OSBPL8: variants seen among roughly 807,000 people sequenced by gnomAD.
The protein encoded by OSBPL8 is oxysterol-binding protein-related protein 8.
Under a neutral mutation model 125.5 loss-of-function variants are expected in OSBPL8, and 59 were observed. The observed-to-expected ratio is 0.47, with a 90% CI of 0.38 to 0.58. The LOEUF (loss-of-function observed/expected upper bound fraction) is 0.58, where lower values mean the gene tolerates loss of function less well. OSBPL8 is among the 20% of genes least tolerant of loss of function. The probability of loss-of-function intolerance (pLI) is 0.00; values close to 1 mark genes in which losing one functional copy is unlikely to be tolerated. For missense variants in OSBPL8, 758 were observed against 1,047.8 expected, an observed-to-expected ratio of 0.72 and a Z score of 3.82; for synonymous variants, 330 against 338.9, an observed-to-expected ratio of 0.97 and a Z score of 0.29.
chr12:76,351,963 A>C lies in OSBPL8; in HGVS notation c.*3926T>G, dbSNP rs1242417036. 3 of 152,328 alleles carry C rather than the reference A, an allele frequency of 2.0e-5. No homozygotes were observed. Among genetic ancestry groups the C allele is most frequent in the East Asian group, 3.9e-4 (2 of 5,182 alleles). 9.4% of individuals were successfully genotyped at this position (152,328 alleles called of 1,614,324 possible). ...AACAGTGGCCTATAACTATCTGTACATTTACTGTGCACCTTAAGGAAAAGA... is the reference window on the plus strand; with the variant it reads ...AACAGTGGCCTATAACTATCTGTACCTTTACTGTGCACCTTAAGGAAAAGA... On this transcript the variant is annotated 3_prime_UTR_variant, in exon 24 of 24. Transcript: ENST00000261183.
chr12:76,471,182 G>C (rs115462498), intron 2 of OSBPL8, among the ~76,000 whole-genome samples: 1 of 152,110 alleles, frequency 6.6e-6, no homozygotes, highest in Non-Finnish European at 1.5e-5. Flanking sequence ...CTTAAAAACA[G>C]AGTAACATCT....
intron 4 of OSBPL8, among the ~76,000 whole-genome samples, chr12:76,412,462 TA>T (rs1354328172): frequency 6.6e-6 from 1 of 152,176 alleles, no homozygotes; most frequent in Admixed American, 6.5e-5. Context: ...ACCCTTTCCC[TA>T]CTCTTCCATT....
rs571924189 is a variant in OSBPL8 at position 76,403,664 on chromosome 12, TA to T, written c.289-899del. ...TTTTATTTTTATCTATTGTTAGACATAAGAAAAGGCACTAAAGTTCTTAGCA... is the reference window on the plus strand; with the variant it reads ...TTTTATTTTTATCTATTGTTAGACATAGAAAAGGCACTAAAGTTCTTAGCA... On this transcript the variant is annotated intron_variant, in intron 5 of 23. Transcript: ENST00000261183. Among the ~76,000 whole-genome samples, 10 of 152,272 alleles carry T rather than the reference TA, an allele frequency of 6.6e-5. 1 individual carries two copies. The South Asian group carries it at 2.1e-3, about 32-fold the overall frequency.
chr12:76,507,471 T>A (rs1880525996), intron 1 of OSBPL8, among the ~76,000 whole-genome samples: 1 of 151,684 alleles, frequency 6.6e-6, no homozygotes, highest in Non-Finnish European at 1.5e-5. Context: ...TCCCAGGATG[T>A]CCCAGGAGCT....
intron 1 of OSBPL8, among the ~76,000 whole-genome samples, chr12:76,506,439 AAT>A (rs1340420675): frequency 6.6e-6 from 1 of 152,202 alleles, no homozygotes; most frequent in Admixed American, 6.5e-5. Context: ...TAATTTTGGA[AAT>A]CTCTGTAGAC....
At chr12:76,369,961 C>A in intron 19 of OSBPL8, 139 bp from the exon 20 acceptor site, 1 of 743,746 alleles carries the variant, frequency 1.3e-6, no homozygotes, top group Non-Finnish European at 2.1e-6. Flanking sequence ...TGCTCATAGG[C>A]TTAGAAATGA....
At position 76,390,635 on chromosome 12, in the gene OSBPL8, G is replaced by A. The variant is rs1203486900; in HGVS notation, c.952C>T (p.Arg318Ter). ...ATATCTTGGTCCTTAAAATGTTGTC[G>A]TTCAATTTCACTATCATTTAACCTT... ...NFQLNDSEIE[R>*]QHFKDQDMYS... Residue 318 changes from arginine (R) to a stop codon, truncating the protein, a stop_gained, in exon 11 of 24, where the codon CGA (arginine) becomes TGA (stop). Transcript: ENST00000261183. LOFTEE classifies it high-confidence loss of function. 3 of 1,611,288 alleles carry A rather than the reference G, an allele frequency of 1.9e-6. No homozygotes were observed. The highest frequency in any genetic ancestry group is 1.3e-5 in the African/African-American group (1 of 74,722).
chr12:76,511,412 G>T (rs914147818), intron 1 of OSBPL8, among the ~76,000 whole-genome samples: 2 of 152,034 alleles, frequency 1.3e-5, no homozygotes, highest in Non-Finnish European at 2.9e-5. Flanking sequence ...GTTATTTTTT[G>T]ACTTTTTAAT....
chr12:76,385,947 G>A, intron 14 of OSBPL8: 1 of 540,462 alleles, frequency 1.9e-6, no homozygotes, highest in Non-Finnish European at 2.7e-6. Flanking sequence ...GAAAAATAAA[G>A]ATTTATTTTT....
intron 5 of OSBPL8, among the ~76,000 whole-genome samples, chr12:76,410,020 T>C (rs559210463): frequency 6.6e-6 from 1 of 151,818 alleles, no homozygotes; most frequent in Admixed American, 6.6e-5. Context: ...CTGCATCACA[T>C]GGCGTTTCTC....
chr12:76,482,703 G>A (rs1470595905), intron 2 of OSBPL8, among the ~76,000 whole-genome samples: 1 of 152,052 alleles, frequency 6.6e-6, no homozygotes, highest in Non-Finnish European at 1.5e-5. Flanking sequence ...CACTTCTTTA[G>A]TCTACCTCAA....
At chr12:76,465,907 G>C (rs376812222) in intron 2 of OSBPL8, among the ~76,000 whole-genome samples, 17 of 151,908 alleles carry the variant, frequency 1.1e-4, no homozygotes, top group African/African-American at 3.9e-4. Context: ...TCTGGAGGCT[G>C]AGGCAGGAGA....
At chr12:76,537,735 C>A (rs1950538215) in intron 1 of OSBPL8, among the ~76,000 whole-genome samples, 1 of 151,942 alleles carries the variant, frequency 6.6e-6, no homozygotes, top group South Asian at 2.1e-4. Flanking sequence ...ATGGTAAAAC[C>A]CCGTCTCCAC....
chr12:76,395,474 G>T (rs2136319001), intron 8 of OSBPL8, among the ~76,000 whole-genome samples: 1 of 152,102 alleles, frequency 6.6e-6, no homozygotes, highest in African/African-American at 2.4e-5. Flanking sequence ...TTTCCAAAAA[G>T]CATAACATTA....
rs139967402 is a variant in OSBPL8 at position 76,397,418 on chromosome 12, C to T, written c.672+276G>A. On this transcript the variant is annotated intron_variant, in intron 8 of 23. Transcript: ENST00000261183. ...TAAATATAATACAATGTTACAAAGC[C>T]GAGTTAGTAATTAGAAACTGAAAAA... Among the ~76,000 whole-genome samples the T allele has an allele frequency of 6.9e-3, 1,036 of 150,358 alleles. 12 individuals carry two copies. The highest frequency in any genetic ancestry group is 0.021 in the African/African-American group (855 of 40,972).
chr12:76,557,326 C>T (rs147393812), intron 1 of OSBPL8, among the ~76,000 whole-genome samples: 1,715 of 152,164 alleles, frequency 0.011, 31 homozygotes, highest in African/African-American at 0.039. Context: ...TACTTTTAAA[C>T]AAAAGATCCG....
At chr12:76,451,940 G>A (rs996680313) in intron 3 of OSBPL8, among the ~76,000 whole-genome samples, 1 of 152,084 alleles carries the variant, frequency 6.6e-6, no homozygotes, top group South Asian at 2.1e-4. Flanking sequence ...CCAACGTGGC[G>A]AAACCCCGTC....
chr12:76,465,687 A>T (rs539534635), intron 2 of OSBPL8, among the ~76,000 whole-genome samples: 1 of 152,184 alleles, frequency 6.6e-6, no homozygotes, highest in South Asian at 2.1e-4. Context: ...TCACACAATG[A>T]AATAGCAAGC....
chr12:76,455,221 C>T (rs1873890867), intron 3 of OSBPL8, among the ~76,000 whole-genome samples: 1 of 150,224 alleles, frequency 6.7e-6, no homozygotes, highest in South Asian at 2.1e-4. Context: ...CCAGTCTGGG[C>T]GACAGAGCGA....
Sources: gnomAD v4.1 joint callset for allele counts (sites outside exome capture counted in the v4.1 genomes callset) on GRCh38, gnomAD v4.1.1 for gene constraint, MANE v1.5 for transcripts, NCBI Gene and HGNC (gene_info 2026-07-23, HGNC 2026-07-21) for gene names.